EPHA4: variants seen among roughly 807,000 people sequenced by gnomAD.
EPHA4 encodes EPH receptor A4.
EPHA4 carries 19 observed loss-of-function variants against 108.3 expected under a neutral mutation model. The observed-to-expected ratio is 0.18, with a 90% CI of 0.12 to 0.26. The LOEUF is 0.26. Ranked by LOEUF, EPHA4 falls within the 10% of genes least tolerant of loss-of-function variation. The probability of loss-of-function intolerance (pLI) is 1.00; values close to 1 mark genes in which losing one functional copy is unlikely to be tolerated. For synonymous variants in EPHA4, 449 were observed against 455.5 expected, an observed-to-expected ratio of 0.99 and a Z score of 0.18; for missense variants, 917 against 1,254.0, an observed-to-expected ratio of 0.73 and a Z score of 4.06.
chr2:221,458,132 A>G (rs575739026), intron 5 of EPHA4, 142 bp from the exon 6 acceptor site: 25 of 949,236 alleles, frequency 2.6e-5, no homozygotes, highest in South Asian at 7.1e-5. Context: ...ACTCTTCAGT[A>G]TAGAAGCATA....
At chr2:221,504,240 G>A (rs993690689) in intron 3 of EPHA4, among the ~76,000 whole-genome samples, 1 of 152,166 alleles carries the variant, frequency 6.6e-6, no homozygotes, top group Non-Finnish European at 1.5e-5. Flanking sequence ...TTCTAGATAT[G>A]CCATGGAGAA....
In EPHA4 at chr2:221,567,158, G is replaced by A. The variant is rs2106212705; in HGVS notation, c.159+1560C>T. On this transcript the variant is annotated intron_variant, in intron 2 of 17. Transcript: ENST00000281821. ...ACAAGTCAGGTTCAAAATTTGATTA[G>A]ATGTATATACTCTCTTCAAACTTAA... Among the ~76,000 whole-genome samples the A allele has an allele frequency of 2.0e-5, 3 of 152,170 alleles. No homozygotes were observed. The Middle Eastern group carries it at 0.01, about 518-fold the overall frequency.
intron 3 of EPHA4, among the ~76,000 whole-genome samples, chr2:221,506,013 C>G (rs1159422268): frequency 3.3e-5 from 5 of 151,838 alleles, no homozygotes; most frequent in Non-Finnish European, 5.9e-5. Context: ...GCTTGAGGGT[C>G]TAGAAATTCC....
chr2:221,546,025 G>A (rs1693985984), intron 3 of EPHA4, among the ~76,000 whole-genome samples: 1 of 152,148 alleles, frequency 6.6e-6, no homozygotes, highest in Non-Finnish European at 1.5e-5. Flanking sequence ...GGCTTTACCT[G>A]AACTTAGTTA....
intron 4 of EPHA4, among the ~76,000 whole-genome samples, chr2:221,494,812 A>G (rs1692255556): frequency 6.6e-6 from 1 of 152,118 alleles, no homozygotes; most frequent in African/African-American, 2.4e-5. Context: ...GGGCAGGGAA[A>G]CAAGGAGAAA....
chr2:221,500,661 C>A (rs1212821218), intron 4 of EPHA4, among the ~76,000 whole-genome samples: 16 of 152,138 alleles, frequency 1.1e-4, no homozygotes, highest in Admixed American at 1.0e-3. Context: ...CCAAACCCTG[C>A]CGTCTACCTG....
intron 2 of EPHA4, among the ~76,000 whole-genome samples, chr2:221,566,369 C>G (rs1009149559): frequency 1.3e-5 from 2 of 152,106 alleles, no homozygotes; most frequent in African/African-American, 4.8e-5. Context: ...ACTCAATATG[C>G]TTTTACTCTC....
chr2:221,484,948 T>C (rs1691937410), intron 4 of EPHA4, among the ~76,000 whole-genome samples: 2 of 152,206 alleles, frequency 1.3e-5, no homozygotes, highest in South Asian at 2.1e-4. Context: ...AGCCCTGTTT[T>C]AATTCTGTAA....
Position 221,479,454 on chromosome 2 carries a change from C to G in EPHA4, c.1318+2898G>C, listed in dbSNP as rs148595838. ...GATGGAGAACCACTAACTTTTGTAG[C>G]CTCCAGGTGCTAAATGCTAACGTTC... On this transcript the variant is annotated intron_variant, in intron 5 of 17. Transcript: ENST00000281821. Among the ~76,000 whole-genome samples the G allele has an allele frequency of 4.7e-3, 714 of 152,310 alleles. 7 individuals carry two copies. The highest frequency in any genetic ancestry group is 0.016 in the African/African-American group (664 of 41,564).
At chr2:221,475,612 G>A (rs1038410728) in intron 5 of EPHA4, among the ~76,000 whole-genome samples, 7 of 152,244 alleles carry the variant, frequency 4.6e-5, no homozygotes, top group Non-Finnish European at 8.8e-5. Flanking sequence ...TCGCTTTGCC[G>A]GACATTTGCC....
rs1312801563 is a variant in EPHA4, at chr2:221,443,036, T to C, written c.1889-22A>G. ...TCACCTTTGAGAGAGAAAAAGAATCTACGATGGACCAGAAACACATTCAAG... is the reference window on the plus strand; with the variant it reads ...TCACCTTTGAGAGAGAAAAAGAATCCACGATGGACCAGAAACACATTCAAG... On this transcript the variant is annotated intron_variant, in intron 10 of 17. Transcript: ENST00000281821. The C allele has an allele frequency of 2.5e-6, 4 of 1,606,816 alleles. No homozygotes were observed. The Admixed American group carries it at 6.8e-5, about 27-fold the overall frequency.
Position 221,426,469 on chromosome 2 carries a change from G to T in EPHA4, c.2841C>A (p.Asn947Lys). ...YTTLEAVVHV[N>K]QEDLARIGIT... ...TTACATCGTTGAGTACTTACTCCTG[G>T]TTCACGTGCACCACAGCCTCTAGTG... Residue 947 changes from asparagine (N) to lysine (K), a missense_variant, in exon 16 of 18, where the codon AAC becomes AAA. Coordinates refer to ENST00000281821, the MANE Select transcript of EPHA4 (RefSeq NM_004438.5). The T allele has an allele frequency of 6.2e-7, 1 of 1,601,772 alleles. No individual in the cohort carries two copies. The highest frequency in any genetic ancestry group is 8.5e-7 in the Non-Finnish European group (1 of 1,176,948).
intron 3 of EPHA4, among the ~76,000 whole-genome samples, chr2:221,507,559 AT>A (rs552303399): frequency 2.9e-4 from 43 of 148,428 alleles, no homozygotes; most frequent in South Asian, 6.4e-4. Context: ...AATGATACTG[AT>A]TTTTTTTTTT....
chr2:221,446,765 C>A (rs1471020719), intron 8 of EPHA4, among the ~76,000 whole-genome samples: 1 of 152,124 alleles, frequency 6.6e-6, no homozygotes, highest in Admixed American at 6.5e-5. Context: ...TACAAATTCC[C>A]AACTTATTAA....
At chr2:221,423,502 T>G (rs1049976948) in intron 17 of EPHA4, among the ~76,000 whole-genome samples, 1 of 152,240 alleles carries the variant, frequency 6.6e-6, no homozygotes, top group Non-Finnish European at 1.5e-5. Flanking sequence ...GCCTTGACTC[T>G]AATATATGCA....
rs779710547 is a variant in EPHA4, at chr2:221,437,155, T to G, written c.2075-33A>C. 5 of 1,488,092 alleles carry G rather than the reference T, an allele frequency of 3.4e-6. No individual in the cohort carries two copies. The African/African-American group carries it at 6.9e-5, about 21-fold the overall frequency. 92.2% of individuals were successfully genotyped at this position (1,488,092 alleles called of 1,614,324 possible). On this transcript the variant is annotated intron_variant, in intron 11 of 17. Coordinates refer to ENST00000281821, the MANE Select transcript of EPHA4 (RefSeq NM_004438.5). ...TTTCAGAAAGAAAAACACAAACCTTTGATGAGCGCTGCACTTAATGAGATA... is the reference window on the plus strand; with the variant it reads ...TTTCAGAAAGAAAAACACAAACCTTGGATGAGCGCTGCACTTAATGAGATA...
chr2:221,442,295 C>T (rs528064973), intron 11 of EPHA4, among the ~76,000 whole-genome samples: 23 of 152,122 alleles, frequency 1.5e-4, no homozygotes, highest in Non-Finnish European at 2.5e-4. Context: ...ATAGGCTCAG[C>T]GAATGCTAAT....
In EPHA4 at chr2:221,425,892, C is replaced by T. The variant is rs1168446485; in HGVS notation, c.*136G>A. 2.4e-5 allele frequency: 18 copies of T among 761,578 alleles called. No individual in the cohort carries two copies. The highest frequency in any genetic ancestry group is 6.7e-5 in the Admixed American group (3 of 44,714). The allele number at this position is 761,578 out of a possible 1,614,324, so 47.2% of individuals were successfully genotyped here. A position where few individuals can be genotyped will look rare whatever the true frequency, so the allele number is the denominator to read the frequency against. On this transcript the variant is annotated 3_prime_UTR_variant, in exon 17 of 18. Coordinates refer to ENST00000281821, the MANE Select transcript of EPHA4 (RefSeq NM_004438.5). ...TCAGCAATCTGTGCACCAAGCAACG[C>T]TGCAGATATTGTTTTTTTTTTTCAT...
At chr2:221,518,698 C>A (rs1482040621) in intron 3 of EPHA4, among the ~76,000 whole-genome samples, 1 of 152,138 alleles carries the variant, frequency 6.6e-6, no homozygotes, top group African/African-American at 2.4e-5. Context: ...TTTTCTGTTT[C>A]TATGTTTCTT....
Sources: allele counts gnomAD v4.1 joint callset (sites outside exome capture counted in the v4.1 genomes callset), GRCh38; gene constraint gnomAD v4.1.1; transcripts MANE v1.5; gene names NCBI Gene and HGNC (gene_info 2026-07-23, HGNC 2026-07-21).